RORA: variants seen among roughly 807,000 people sequenced by gnomAD.
The protein encoded by RORA is RAR related orphan receptor A.
A neutral mutation model predicts 69.5 loss-of-function variants in RORA; 7 were observed. That is an observed-to-expected ratio of 0.10 (90% CI 0.06 to 0.19). RORA has a LOEUF of 0.19. Ranked by LOEUF, RORA falls within the 10% of genes least tolerant of loss-of-function variation. RORA has a pLI of 1.00. For missense variants in RORA, 457 were observed against 663.0 expected (o/e 0.69, Z 3.41); for synonymous variants, 261 against 240.8 (o/e 1.08, Z -0.78).
Position 60,802,279 on chromosome 15 carries a change from T to G in RORA, c.167-123593A>C, listed in dbSNP as rs547114017. On this transcript the variant is annotated intron_variant, in intron 1 of 10. Transcript: ENST00000335670. ...TATGTGAATAGCAATTCCCAACTCATGGGTTAATATGCAGACCGAGTGTTT... is the reference window on the plus strand; with the variant it reads ...TATGTGAATAGCAATTCCCAACTCAGGGGTTAATATGCAGACCGAGTGTTT... Among the ~76,000 whole-genome samples the G allele has an allele frequency of 1.2e-3, 187 of 152,360 alleles. 2 individuals carry two copies. Among genetic ancestry groups the G allele is most frequent in the African/African-American group, 3.3e-3 (138 of 41,582 alleles).
At chr15:60,877,139 A>G (rs1264713759) in intron 1 of RORA, among the ~76,000 whole-genome samples, 3 of 152,270 alleles carry the variant, frequency 2.0e-5, no homozygotes, top group Non-Finnish European at 4.4e-5. Context: ...AAGACTTTTT[A>G]GAAGAAAGGA....
intron 1 of RORA, among the ~76,000 whole-genome samples, chr15:61,199,204 T>C (rs947447857): frequency 2.0e-5 from 3 of 151,890 alleles, no homozygotes; most frequent in African/African-American, 7.3e-5. Context: ...TTTCAAAGCA[T>C]ACTGATTATT....
At chr15:60,892,408 T>C (rs1337456394) in intron 1 of RORA, among the ~76,000 whole-genome samples, 3 of 152,228 alleles carry the variant, frequency 2.0e-5, no homozygotes, top group Admixed American at 6.5e-5. Context: ...GAAGAAAAAC[T>C]TGAAGCTTTT....
intron 2 of RORA, among the ~76,000 whole-genome samples, chr15:60,593,770 T>A (rs1400358685): frequency 1.3e-5 from 2 of 152,196 alleles, no homozygotes; most frequent in African/African-American, 2.4e-5. Flanking sequence ...ACTTAAAATA[T>A]CAGATGGCTA....
chr15:60,560,598 G>A (rs766686025), intron 2 of RORA, among the ~76,000 whole-genome samples: 1 of 152,232 alleles, frequency 6.6e-6, no homozygotes, highest in African/African-American at 2.4e-5. Flanking sequence ...ACTGGTCGGG[G>A]AGAGGGGCCT....
Position 61,116,803 on chromosome 15 carries a change from A to G in RORA, c.166+112250T>C, listed in dbSNP as rs148785211. On this transcript the variant is annotated intron_variant, in intron 1 of 10. Transcript: ENST00000335670. ...CTGAGCCTCAGATTCCACATTTGTA[A>G]ATAGAAAAAATATAACTAAATGGCT... Among the ~76,000 whole-genome samples, 16 of 152,298 alleles carry G rather than the reference A, an allele frequency of 1.1e-4. No individual in the cohort carries two copies. The East Asian group carries it at 1.5e-3, about 15-fold the overall frequency.
At chr15:60,692,320 T>C (rs1032430375) in intron 1 of RORA, among the ~76,000 whole-genome samples, 11 of 152,204 alleles carry the variant, frequency 7.2e-5, no homozygotes, top group Admixed American at 3.9e-4. Context: ...TCTGTGAATT[T>C]TGGGTCATTC....
At chr15:61,094,936 G>A (rs1451830279) in intron 1 of RORA, among the ~76,000 whole-genome samples, 1 of 152,222 alleles carries the variant, frequency 6.6e-6, no homozygotes. Flanking sequence ...CAGAGAAAAG[G>A]GGAAGAGGAT....
At chr15:61,041,614 A>T (rs1209345806) in intron 1 of RORA, among the ~76,000 whole-genome samples, 1 of 152,300 alleles carries the variant, frequency 6.6e-6, no homozygotes, top group East Asian at 1.9e-4. Context: ...GCTGGAGTGC[A>T]CTGGCACAAT....
At chr15:61,064,422 G>A (rs1045508537) in intron 1 of RORA, among the ~76,000 whole-genome samples, 3 of 152,102 alleles carry the variant, frequency 2.0e-5, no homozygotes, top group East Asian at 1.9e-4. Flanking sequence ...ATATTAGACC[G>A]TCAAGTTACA....
chr15:60,900,978 A>G (rs1028175692), intron 1 of RORA, among the ~76,000 whole-genome samples: 3 of 152,164 alleles, frequency 2.0e-5, no homozygotes, highest in South Asian at 2.1e-4. Context: ...GACACATACT[A>G]CTTCCTGAAT....
At chr15:61,158,113 T>C (rs1279443981) in intron 1 of RORA, among the ~76,000 whole-genome samples, 1 of 152,186 alleles carries the variant, frequency 6.6e-6, no homozygotes. Context: ...CTATCCCAAA[T>C]GGAGTGTTGG....
At chr15:61,018,603 TA>T (rs1397689912) in intron 1 of RORA, among the ~76,000 whole-genome samples, 1 of 152,130 alleles carries the variant, frequency 6.6e-6, no homozygotes, top group Non-Finnish European at 1.5e-5. Context: ...CATGCATGTA[TA>T]TACGGAGCAT....
chr15:60,510,942 T>A (rs977203866), intron 5 of RORA, among the ~76,000 whole-genome samples: 4 of 152,158 alleles, frequency 2.6e-5, no homozygotes, highest in African/African-American at 9.7e-5. Flanking sequence ...ACTAATGAAG[T>A]TAATGTAGCC....
chr15:61,066,418 C>CTTTTTTTTTTTTTTTTTTTTTT (rs1168663714), intron 1 of RORA, among the ~76,000 whole-genome samples: 8 of 80,964 alleles, frequency 9.9e-5, no homozygotes, highest in Admixed American at 1.7e-4. Context: ...GGGCATATTC[C>CTTTTTTTTTTTTTTTTTTTTTT]TTTTTTTTTT....
At chr15:60,947,901 G>C (rs1336974469) in intron 1 of RORA, among the ~76,000 whole-genome samples, 1 of 152,110 alleles carries the variant, frequency 6.6e-6, no homozygotes, top group Non-Finnish European at 1.5e-5. Flanking sequence ...CTCAGGGGCA[G>C]CTATTTGTGG....
In RORA at chr15:61,147,771, G is replaced by GCA. The variant is rs1038082525; in HGVS notation, c.166+81281_166+81282insTG. Among the ~76,000 whole-genome samples the GCA allele has an allele frequency of 6.8e-6, 1 of 147,790 alleles. No homozygotes were observed. Among genetic ancestry groups the GCA allele is most frequent in the African/African-American group, 2.7e-5 (1 of 37,724 alleles). ...AGTAGGCACGTGCGCACACGCGTGT[G>GCA]TGTGTGTGTGTGTGTGTGTGTGTGA... is the stretch of plus-strand genomic sequence containing the variant. On this transcript the variant is annotated intron_variant, in intron 1 of 10. Transcript: ENST00000335670. The surrounding 1 kb of genome is among the most constrained non-coding windows in gnomAD (Gnocchi z 4.1).
Position 60,558,167 on chromosome 15 carries a change from C to T in RORA, c.197-26316G>A, listed in dbSNP as rs1258996366. On this transcript the variant is annotated intron_variant, in intron 2 of 10. Coordinates refer to ENST00000335670, the MANE Select transcript of RORA (RefSeq NM_134261.3). ...AAAGGGAGGCAAACACAAGACTGGGCCACATCTCCATGGTCTCTGGATGGA... is the reference window on the plus strand; with the variant it reads ...AAAGGGAGGCAAACACAAGACTGGGTCACATCTCCATGGTCTCTGGATGGA... 15 of 1,236,370 alleles carry T rather than the reference C, an allele frequency of 1.2e-5. 1 individual carries two copies. The highest frequency in any genetic ancestry group is 7.6e-5 in the South Asian group (6 of 79,426). The allele number at this position is 1,236,370 out of a possible 1,614,324, so 76.6% of individuals were successfully genotyped here.
intron 1 of RORA, among the ~76,000 whole-genome samples, chr15:60,777,469 T>C (rs1245240275): frequency 6.6e-6 from 1 of 152,330 alleles, no homozygotes; most frequent in Non-Finnish European, 1.5e-5. Context: ...AAATATTTAA[T>C]GTGTGCTCAT....
Sources: allele counts gnomAD v4.1 joint callset (sites outside exome capture counted in the v4.1 genomes callset), GRCh38; gene constraint gnomAD v4.1.1; non-coding constraint Gnocchi (gnomAD v3.1); transcripts MANE v1.5; gene names NCBI Gene and HGNC (gene_info 2026-07-23, HGNC 2026-07-21).